Variants in TTC28 observed in about 807,000 individuals in gnomAD.
TTC28 encodes the protein tetratricopeptide repeat domain 28.
In TTC28, 61 loss-of-function variants were observed where a neutral mutation model predicts 198.0. The observed-to-expected ratio is 0.31, with a 90% CI of 0.25 to 0.38. TTC28 has a LOEUF of 0.38. Ranked by LOEUF, TTC28 falls within the 10% of genes least tolerant of loss-of-function variation. The pLI, the probability that TTC28 is intolerant of heterozygous loss-of-function variation, is 1.00. For synonymous variants in TTC28, 1,171 were observed against 1,297.8 expected, an observed-to-expected ratio of 0.90 and a Z score of 2.10; for missense variants, 2,678 against 3,164.0, an observed-to-expected ratio of 0.85 and a Z score of 3.69.
intron 2 of TTC28, among the ~76,000 whole-genome samples, chr22:28,431,120 T>C (rs534324818): frequency 6.6e-6 from 1 of 152,300 alleles, no homozygotes; most frequent in African/African-American, 2.4e-5. Flanking sequence ...CCAGAGAACT[T>C]TGTGCCTCTC....
intron 2 of TTC28, among the ~76,000 whole-genome samples, chr22:28,317,686 TCTGA>T (rs1351396893): frequency 2.0e-5 from 3 of 152,216 alleles, no homozygotes; most frequent in South Asian, 2.1e-4. Context: ...TTTCCAGCTC[TCTGA>T]CTGTCTTCCT....
chr22:28,085,306 TGATCTCTCAGCA>T (rs1569129510), intron 12 of TTC28, among the ~76,000 whole-genome samples: 1 of 152,116 alleles, frequency 6.6e-6, no homozygotes, highest in Non-Finnish European at 1.5e-5. Context: ...GACTAACAGC[TGATCTCTCAGCA>T]GAAACTCTAC....
intron 2 of TTC28, among the ~76,000 whole-genome samples, chr22:28,516,095 G>A (rs1352776772): frequency 6.6e-6 from 1 of 150,640 alleles, no homozygotes; most frequent in Non-Finnish European, 1.5e-5. Flanking sequence ...GCAGTGAGCT[G>A]AGATCTGCCA....
intron 5 of TTC28, among the ~76,000 whole-genome samples, chr22:28,184,803 A>G (rs550762604): frequency 6.6e-6 from 1 of 152,252 alleles, no homozygotes; most frequent in South Asian, 2.1e-4. Context: ...TTCAAAGGAA[A>G]TATGTTCAGT....
intron 2 of TTC28, among the ~76,000 whole-genome samples, chr22:28,566,706 A>G (rs1052090992): frequency 1.3e-5 from 2 of 152,242 alleles, no homozygotes; most frequent in Non-Finnish European, 2.9e-5. Context: ...TTAAAAATAA[A>G]AAAAAGAACA....
chr22:28,012,917 G>C (rs1938216929), intron 14 of TTC28, among the ~76,000 whole-genome samples: 1 of 152,144 alleles, frequency 6.6e-6, no homozygotes, highest in Admixed American at 6.5e-5. Flanking sequence ...AAGCAGCTTT[G>C]CCATTGTCAC....
At chr22:28,465,569 A>G (rs757778520) in intron 2 of TTC28, among the ~76,000 whole-genome samples, 1 of 151,984 alleles carries the variant, frequency 6.6e-6, no homozygotes. Context: ...AGTTGCAGTG[A>G]GCCTAGATGG....
At chr22:28,352,427 A>C (rs1414279678) in intron 2 of TTC28, among the ~76,000 whole-genome samples, 1 of 152,072 alleles carries the variant, frequency 6.6e-6, no homozygotes, top group African/African-American at 2.4e-5. Context: ...CTAAAAACAA[A>C]GAATGAGCAG....
chr22:28,539,057 T>C (rs549305578), intron 2 of TTC28, among the ~76,000 whole-genome samples: 5 of 152,184 alleles, frequency 3.3e-5, no homozygotes, highest in African/African-American at 9.6e-5. Context: ...ACTTGCCAGA[T>C]AGACTGCCTG....
At chr22:28,638,786 T>G (rs561155828) in intron 1 of TTC28, among the ~76,000 whole-genome samples, 1 of 152,304 alleles carries the variant, frequency 6.6e-6, no homozygotes, top group African/African-American at 2.4e-5. Flanking sequence ...AAATTAGCAA[T>G]ACATTTTGTT....
chr22:28,353,551 G>A (rs902115840), intron 2 of TTC28, among the ~76,000 whole-genome samples: 6 of 152,220 alleles, frequency 3.9e-5, no homozygotes, highest in East Asian at 3.9e-4. Flanking sequence ...ACATATGGTC[G>A]ACTGATCGCT....
intron 5 of TTC28, among the ~76,000 whole-genome samples, chr22:28,270,352 A>G (rs1931980262): frequency 6.6e-6 from 1 of 152,212 alleles, no homozygotes; most frequent in Non-Finnish European, 1.5e-5. Flanking sequence ...CAAAATAAAG[A>G]GAGATAGGAA....
intron 6 of TTC28, among the ~76,000 whole-genome samples, chr22:28,154,707 G>A (rs1160828565): frequency 6.6e-6 from 1 of 152,082 alleles, no homozygotes; most frequent in Non-Finnish European, 1.5e-5. Context: ...TCACAAGGAG[G>A]ACAGACATAG....
chr22:28,135,711 G>A (rs943926719), intron 6 of TTC28, among the ~76,000 whole-genome samples: 7 of 152,164 alleles, frequency 4.6e-5, no homozygotes, highest in African/African-American at 1.4e-4. Context: ...AAGAGAAGCA[G>A]GAAGAACATG....
At chr22:28,585,581 C>T (rs1300151915) in intron 2 of TTC28, among the ~76,000 whole-genome samples, 2 of 152,126 alleles carry the variant, frequency 1.3e-5, no homozygotes. Context: ...AGGACACGGA[C>T]CAGTATCAGT....
Position 28,105,457 on chromosome 22 carries a change from C to G in TTC28, c.3129G>C (p.Leu1043=). The G allele has an allele frequency of 6.4e-7, 1 of 1,551,714 alleles. No homozygotes were observed. The highest frequency in any genetic ancestry group is 1.2e-5 in the South Asian group (1 of 84,056). ...TGCCCAGGGATTCATAAGTCAGGCC[C>G]AGGTTCCCATAGGCTCGGCCCTGGC... is the stretch of plus-strand genomic sequence containing the variant. ...PTCQGRAYGN[L]GLTYESLGTF... Residue 1043 remains leucine (L), a synonymous_variant, in exon 8 of 23, where the codon CTG becomes CTC. Transcript: ENST00000397906.
At chr22:28,640,662 T>C (rs2051350321) in intron 1 of TTC28, among the ~76,000 whole-genome samples, 2 of 152,072 alleles carry the variant, frequency 1.3e-5, no homozygotes, top group Non-Finnish European at 2.9e-5. Flanking sequence ...ACAAGCTGCA[T>C]ACTCAACAGA....
rs539380283 is a variant in TTC28, at chr22:28,273,367, A to G, written c.933+22831T>C. On this transcript the variant is annotated intron_variant, in intron 5 of 22. Transcript: ENST00000397906. The stretch of plus-strand genomic sequence containing the variant: ...ATATAATTTAAAATCACTTATTAAT[A>G]TATTCAAGGAAAAATGATAAGCTAG... Among the ~76,000 whole-genome samples the G allele has an allele frequency of 2.6e-5, 4 of 152,308 alleles. No individual in the cohort carries two copies. In the South Asian group the frequency reaches 8.3e-4, roughly 32 times the overall value.
chr22:28,524,690 C>T (rs78352908), intron 2 of TTC28, among the ~76,000 whole-genome samples: 2,947 of 152,150 alleles, frequency 0.019, 29 homozygotes, highest in Non-Finnish European at 0.026. Context: ...CACAACAAAT[C>T]AAAGAAATAC....
Sources: gnomAD v4.1 joint callset for allele counts (sites outside exome capture counted in the v4.1 genomes callset) on GRCh38, gnomAD v4.1.1 for gene constraint, MANE v1.5 for transcripts, NCBI Gene and HGNC (gene_info 2026-07-23, HGNC 2026-07-21) for gene names.